The following RIPOR2 variants were observed in gnomAD, a reference collection of about 807,000 sequenced individuals.
RIPOR2 encodes the protein rho family-interacting cell polarization regulator 2.
A neutral mutation model predicts 114.5 loss-of-function variants in RIPOR2; 39 were observed. The observed-to-expected ratio is 0.34, with a 90% CI of 0.26 to 0.44. RIPOR2 has a LOEUF of 0.44. Ranked by LOEUF, RIPOR2 falls within the 20% of genes least tolerant of loss-of-function variation. The pLI, the probability that RIPOR2 is intolerant of heterozygous loss-of-function variation, is 1.00. For synonymous variants in RIPOR2, 445 were observed against 484.4 expected (o/e 0.92, Z 1.07); for missense variants, 1,007 against 1,255.1 (o/e 0.80, Z 2.99).
intron 19 of RIPOR2, among the ~76,000 whole-genome samples, chr6:24,824,475 T>C (rs2113660983): frequency 6.6e-6 from 1 of 152,358 alleles, no homozygotes; most frequent in South Asian, 2.1e-4. Flanking sequence ...TGAGCTGATC[T>C]GGATTTTGAT....
intron 1 of RIPOR2, among the ~76,000 whole-genome samples, chr6:24,975,032 C>T (rs1276397235): frequency 6.6e-6 from 1 of 152,128 alleles, no homozygotes; most frequent in Non-Finnish European, 1.5e-5. Flanking sequence ...TATGGGGTTT[C>T]TTTTAATGGT....
At chr6:24,983,191 CGT>C (rs1313375769) in intron 1 of RIPOR2, among the ~76,000 whole-genome samples, 1 of 113,094 alleles carries the variant, frequency 8.8e-6, no homozygotes, top group Non-Finnish European at 1.9e-5. Flanking sequence ...AGGTTGAACA[CGT>C]ACACACACAC....
At chr6:24,964,689 C>T (rs1477106579) in intron 1 of RIPOR2, among the ~76,000 whole-genome samples, 3 of 152,160 alleles carry the variant, frequency 2.0e-5, no homozygotes, top group Non-Finnish European at 4.4e-5. Context: ...TAAGTGAATG[C>T]TTACTTTTTT....
chr6:25,016,205 CCTAAAAATGCAGTT>C (rs1359947785), intron 1 of RIPOR2, among the ~76,000 whole-genome samples: 1 of 151,982 alleles, frequency 6.6e-6, no homozygotes, highest in Non-Finnish European at 1.5e-5. Context: ...CACTCCCCGT[CCTAAAAATGCAGTT>C]CTAAAAATGA....
In RIPOR2 at chr6:24,825,240, G is replaced by A. The variant is rs919186136; in HGVS notation, c.2854C>T (p.His952Tyr). The A allele has an allele frequency of 2.6e-6, 4 of 1,550,696 alleles. No homozygotes were observed. The Admixed American group carries it at 7.8e-5, about 30-fold the overall frequency. The stretch of plus-strand genomic sequence containing the variant: ...TAGTGTCTTACCTTTTCCCTGAAAT[G>A]CTGATTTTTGGAGGCTGCTGCCAAG... ...LYLAAASKNQHFREKALLYYC... is the reference protein window; with the variant it reads ...LYLAAASKNQYFREKALLYYC... Residue 952 changes from histidine (H) to tyrosine (Y), a missense_variant, in exon 19 of 22, where the codon CAT becomes TAT. By Grantham distance (83) the His-to-Tyr change is moderately conservative (BLOSUM62 2). Coordinates refer to ENST00000643898, the MANE Select transcript of RIPOR2 (RefSeq NM_001286445.3).
chr6:24,894,719 G>A (rs915503112), intron 1 of RIPOR2, among the ~76,000 whole-genome samples: 2 of 152,116 alleles, frequency 1.3e-5, no homozygotes, highest in African/African-American at 4.8e-5. Context: ...ACCACTAGGC[G>A]CTCATTGAGG....
At chr6:24,917,107 A>T (rs1770135935) in intron 1 of RIPOR2, among the ~76,000 whole-genome samples, 1 of 152,130 alleles carries the variant, frequency 6.6e-6, no homozygotes, top group Non-Finnish European at 1.5e-5. Context: ...CAATAATATA[A>T]TCTAGGCCAA....
chr6:24,904,699 G>C (rs148499903), intron 1 of RIPOR2, among the ~76,000 whole-genome samples: 1 of 152,234 alleles, frequency 6.6e-6, no homozygotes, highest in African/African-American at 2.4e-5. Flanking sequence ...TTCTGTAGTG[G>C]CTTCCTGGCT....
intron 1 of RIPOR2, among the ~76,000 whole-genome samples, chr6:24,973,458 T>TA (rs1773884567): frequency 6.6e-6 from 1 of 151,542 alleles, no homozygotes; most frequent in South Asian, 2.1e-4. Context: ...AAAAAAAAAT[T>TA]AGATGGGTGT....
intron 1 of RIPOR2, among the ~76,000 whole-genome samples, chr6:24,903,984 C>G (rs544798509): frequency 1.6e-4 from 24 of 152,330 alleles, no homozygotes; most frequent in East Asian, 1.4e-3. Context: ...CTTCTTGCTG[C>G]CTTCCTTACT....
At position 25,015,896 on chromosome 6, in the gene RIPOR2, G is replaced by GTTTTT. The variant is rs869301317; in HGVS notation, c.76+25950_76+25954dup. 419 of 45,854 alleles carry GTTTTT rather than the reference G, an allele frequency of 9.1e-3. 123 individuals carry two copies. Among genetic ancestry groups the GTTTTT allele is most frequent in the Middle Eastern group, 0.027 (2 of 74 alleles). The allele number at this position is 45,854 out of a possible 1,614,324, so 2.8% of individuals were successfully genotyped here. On this transcript the variant is annotated intron_variant, in intron 1 of 13. Coordinates refer to the RIPOR2 transcript ENST00000510784. ...TCCCCTTAAAAACGCAGGTTTTTTG[G>GTTTTT]TTTTTTTTTTTTTTTTTTTTTTTTT...
At chr6:24,990,217 C>T (rs1165820021) in intron 1 of RIPOR2, among the ~76,000 whole-genome samples, 2 of 152,110 alleles carry the variant, frequency 1.3e-5, no homozygotes, top group East Asian at 3.8e-4. Flanking sequence ...TGCTTTTAGG[C>T]AATAACGTCT....
In RIPOR2 at chr6:24,825,105, G is replaced by T. The variant is rs189813489; in HGVS notation, c.2868+121C>A. ...TCTTTAGTTTTGATTGCTTTATGGA[G>T]CACACATTATTAATACGCAGAAAAA... is the stretch of plus-strand genomic sequence containing the variant. On this transcript the variant is annotated intron_variant, in intron 19 of 21. Coordinates refer to ENST00000643898, the MANE Select transcript of RIPOR2 (RefSeq NM_001286445.3). 159 of 734,146 alleles carry T rather than the reference G, an allele frequency of 2.2e-4. No homozygotes were observed. The African/African-American group carries it at 2.4e-3, about 11-fold the overall frequency. The allele number at this position is 734,146 out of a possible 1,614,324, so 45.5% of individuals were successfully genotyped here. A position where few individuals can be genotyped will look rare whatever the true frequency, so the allele number is the denominator to read the frequency against.
chr6:24,886,858 T>G (rs1395841992), intron 1 of RIPOR2, among the ~76,000 whole-genome samples: 1 of 152,222 alleles, frequency 6.6e-6, no homozygotes, highest in Non-Finnish European at 1.5e-5. Flanking sequence ...TCTTGCTTCT[T>G]TAACCCAGGA....
intron 1 of RIPOR2, among the ~76,000 whole-genome samples, chr6:24,957,110 C>T (rs1484765706): frequency 6.6e-6 from 1 of 152,170 alleles, no homozygotes. Flanking sequence ...ATTATTGGTA[C>T]ATTTGCTTAA....
At chr6:24,862,773 T>C (rs909198135) in intron 7 of RIPOR2, among the ~76,000 whole-genome samples, 2 of 146,938 alleles carry the variant, frequency 1.4e-5, no homozygotes, top group Non-Finnish European at 3.0e-5. Context: ...AGGACATCCA[T>C]GGTCAAAATT....
intron 9 of RIPOR2, among the ~76,000 whole-genome samples, chr6:24,851,276 G>A (rs1170262081): frequency 6.6e-6 from 1 of 152,152 alleles, no homozygotes; most frequent in Non-Finnish European, 1.5e-5. Flanking sequence ...TCATTGCACT[G>A]TGCCCTTCTG....
intron 1 of RIPOR2, among the ~76,000 whole-genome samples, chr6:24,908,739 C>T (rs1439444784): frequency 6.6e-6 from 1 of 152,182 alleles, no homozygotes; most frequent in Non-Finnish European, 1.5e-5. Context: ...TATCTCCCTC[C>T]ACCCGCCCCC....
At chr6:24,822,815 C>T (rs1759821531) in intron 19 of RIPOR2, among the ~76,000 whole-genome samples, 1 of 152,180 alleles carries the variant, frequency 6.6e-6, no homozygotes, top group Non-Finnish European at 1.5e-5. Context: ...CCACTGCGCC[C>T]GGCCTATTTA....
Sources: gnomAD v4.1 joint callset for allele counts (sites outside exome capture counted in the v4.1 genomes callset) on GRCh38, gnomAD v4.1.1 for gene constraint, MANE v1.5 for transcripts, NCBI Gene and HGNC (gene_info 2026-07-23, HGNC 2026-07-21) for gene names.